Variants in CAMK2B observed in about 807,000 individuals in gnomAD.
CAMK2B encodes calcium/calmodulin dependent protein kinase II beta.
A neutral mutation model predicts 93.7 loss-of-function variants in CAMK2B; 27 were observed. That is an observed-to-expected ratio of 0.29 (90% CI 0.21 to 0.40). CAMK2B has a LOEUF of 0.40. Ranked by LOEUF, CAMK2B falls within the 10% of genes least tolerant of loss-of-function variation. The probability of loss-of-function intolerance (pLI) is 1.00; values close to 1 mark genes in which losing one functional copy is unlikely to be tolerated. For synonymous variants in CAMK2B, 374 were observed against 358.8 expected (o/e 1.04, Z -0.48); for missense variants, 568 against 895.8 (o/e 0.63, Z 4.67).
intron 1 of CAMK2B, among the ~76,000 whole-genome samples, chr7:44,310,931 G>C (rs1793368800): frequency 6.6e-6 from 1 of 152,162 alleles, no homozygotes; most frequent in African/African-American, 2.4e-5. Flanking sequence ...AAACGGTTAA[G>C]ACAGCAAATT....
intron 2 of CAMK2B, among the ~76,000 whole-genome samples, chr7:44,277,764 A>AG (rs947931416): frequency 6.6e-6 from 1 of 150,582 alleles, no homozygotes; most frequent in Non-Finnish European, 1.5e-5. Flanking sequence ...CCTGAATAGC[A>AG]GGGGGGAAGG....
intron 1 of CAMK2B, among the ~76,000 whole-genome samples, chr7:44,289,748 G>A (rs991165320): frequency 1.1e-4 from 17 of 152,272 alleles, no homozygotes; most frequent in African/African-American, 3.9e-4. Context: ...CAGGGACCCA[G>A]GCGCCTGGAG....
chr7:44,266,346 A>T (rs2096921175), intron 2 of CAMK2B, among the ~76,000 whole-genome samples: 1 of 152,196 alleles, frequency 6.6e-6, no homozygotes, highest in Non-Finnish European at 1.5e-5. Context: ...CTTTCCACAA[A>T]ACCAGGGACA....
chr7:44,220,153 G>T lies in CAMK2B; in HGVS notation c.1910C>A (p.Ser637Tyr). 6.2e-7 allele frequency: 1 copy of T among 1,611,904 alleles called. No homozygotes were observed. Among genetic ancestry groups the T allele is most frequent in the Non-Finnish European group, 8.5e-7 (1 of 1,179,736 alleles). ...GCGGTGCCACACGCGGGTCTCCTCA[G>T]ACTGGCTGGTGCGGGGCCGGCCCTG... is the stretch of plus-strand genomic sequence containing the variant. ...DGQGRPRTSQSEETRVWHRRD... is the reference protein window; with the variant it reads ...DGQGRPRTSQYEETRVWHRRD... Residue 637 changes from serine to tyrosine, a missense_variant, in exon 23 of 24, where the codon TCT becomes TAT. Coordinates refer to ENST00000395749, the MANE Select transcript of CAMK2B (RefSeq NM_001220.5).
At chr7:44,302,608 A>C (rs916416234) in intron 1 of CAMK2B, among the ~76,000 whole-genome samples, 1 of 152,206 alleles carries the variant, frequency 6.6e-6, no homozygotes, top group Non-Finnish European at 1.5e-5. Flanking sequence ...ATATTCAAAA[A>C]TTAATTATTA....
chr7:44,257,735 G>A (rs2096846348), intron 4 of CAMK2B, among the ~76,000 whole-genome samples: 1 of 152,274 alleles, frequency 6.6e-6, no homozygotes, highest in South Asian at 2.1e-4. Flanking sequence ...GGGAACCTGA[G>A]AGGTGGCCAA....
rs552559071 is a variant in CAMK2B, at chr7:44,236,138, C to T, written c.1022-1462G>A. On this transcript the variant is annotated intron_variant, in intron 13 of 23. Coordinates refer to ENST00000395749, the MANE Select transcript of CAMK2B (RefSeq NM_001220.5). ...TCTGACGCTGGGTGCTCCAGGTTGC[C>T]GTGGAGATCAGGAGGCTGCACCCCG... Among the ~76,000 whole-genome samples the T allele has an allele frequency of 1.6e-4, 24 of 152,338 alleles. No individual in the cohort carries two copies. The South Asian group carries it at 5.0e-3, about 32-fold the overall frequency.
At position 44,226,539 on chromosome 7, in the gene CAMK2B, A is replaced by G. The variant is rs748909417; in HGVS notation, c.1574T>C (p.Ile525Thr). The change falls in exon 20 of 24, where the codon ATC (isoleucine) becomes ACC (threonine). Residue 525 changes from isoleucine to threonine, a missense_variant. Around this residue, in one of 4 missense-constraint regions of CAMK2B, gnomAD observed 308 missense variants for 292.1 expected, o/e 1.05. Transcript: ENST00000395749. Reference sequence around the variant, plus strand: ...ACATGGGGTGGGCAGGGGGCCAGGGATAGTCGGAGATGGGCAGGGCGGGGG... The same window carrying G: ...ACATGGGGTGGGCAGGGGGCCAGGGGTAGTCGGAGATGGGCAGGGCGGGGG... ...VGPPPCPSPTIPGPLPTPSRK... is the reference protein window; with the variant it reads ...VGPPPCPSPTTPGPLPTPSRK... 4 of 1,467,494 alleles carry G rather than the reference A, an allele frequency of 2.7e-6. No individual in the cohort carries two copies. The highest frequency in any genetic ancestry group is 3.6e-6 in the Non-Finnish European group (4 of 1,112,804). The allele number at this position is 1,467,494 out of a possible 1,614,324, so 90.9% of individuals were successfully genotyped here.
intron 1 of CAMK2B, among the ~76,000 whole-genome samples, chr7:44,307,538 T>C (rs888464370): frequency 6.6e-6 from 1 of 151,928 alleles, no homozygotes; most frequent in Non-Finnish European, 1.5e-5. Context: ...CTGGGAATGG[T>C]CTGCCAGGGC....
At chr7:44,241,846 G>A (rs2096682185) in intron 10 of CAMK2B, 63 bp from the exon 11 acceptor site, 2 of 1,393,260 alleles carry the variant, frequency 1.4e-6, no homozygotes, top group East Asian at 2.3e-5. Context: ...GGCCAGGGTG[G>A]CAAGGCTTGT....
At chr7:44,281,845 C>T (rs892188360) in intron 2 of CAMK2B, among the ~76,000 whole-genome samples, 6 of 152,176 alleles carry the variant, frequency 3.9e-5, no homozygotes, top group African/African-American at 1.2e-4. Context: ...TTCAGCTCTG[C>T]CCACTGCTCT....
chr7:44,315,982 G>A (rs1394049466), intron 1 of CAMK2B, among the ~76,000 whole-genome samples: 5 of 152,014 alleles, frequency 3.3e-5, no homozygotes, highest in African/African-American at 1.2e-4. Context: ...TTCTATATAC[G>A]AAAGCATGTA....
rs2096574087 is a variant in CAMK2B at position 44,231,010 on chromosome 7, A to G, written c.1221T>C (p.Ala407=). The G allele has an allele frequency of 1.9e-6, 3 of 1,553,956 alleles. No individual in the cohort carries two copies. Among genetic ancestry groups the G allele is most frequent in the East Asian group, 2.4e-5 (1 of 41,110 alleles). ...SANTTIEDED[A]KAPRVPDILS... Reference sequence around the variant, plus strand: ...CAAGGACTCAAGTGCAGGTACCTTTAGCGTCTTCATCCTCTATGGTGGTAT... The same window carrying G: ...CAAGGACTCAAGTGCAGGTACCTTTGGCGTCTTCATCCTCTATGGTGGTAT... The change falls in exon 17 of 24, where the codon GCT becomes GCC. Residue 407 remains alanine, a synonymous_variant. Transcript: ENST00000395749.
chr7:44,324,051 G>T (rs538778990), intron 1 of CAMK2B: 104 of 153,530 alleles, frequency 6.8e-4, no homozygotes, highest in Admixed American at 2.4e-3. Flanking sequence ...CTTCTTGCAG[G>T]GCTGGGCTCC....
intron 5 of CAMK2B, among the ~76,000 whole-genome samples, chr7:44,253,215 G>T (rs867856115): frequency 1.5e-4 from 22 of 146,222 alleles, no homozygotes; most frequent in African/African-American, 4.5e-4. Flanking sequence ...TTTTTTTTTG[G>T]TTTTTTTTTT....
At chr7:44,222,174 AC>A (rs1160403858) in intron 20 of CAMK2B, among the ~76,000 whole-genome samples, 1 of 152,020 alleles carries the variant, frequency 6.6e-6, no homozygotes, top group Non-Finnish European at 1.5e-5. Flanking sequence ...AAAAACTCAA[AC>A]CCCCAGAAGT....
intron 16 of CAMK2B, among the ~76,000 whole-genome samples, chr7:44,232,496 T>G (rs1287346840): frequency 6.6e-6 from 1 of 152,008 alleles, no homozygotes; most frequent in African/African-American, 2.4e-5. Context: ...AGGATGCAGC[T>G]CCTGAGATGC....
At chr7:44,260,685 C>T (rs1253001738) in intron 3 of CAMK2B, among the ~76,000 whole-genome samples, 1 of 152,210 alleles carries the variant, frequency 6.6e-6, no homozygotes, top group Non-Finnish European at 1.5e-5. Context: ...ATCACTGTCA[C>T]CATCATCACC....
At chr7:44,272,205 TGG>T (rs1344521409) in intron 2 of CAMK2B, among the ~76,000 whole-genome samples, 2 of 152,064 alleles carry the variant, frequency 1.3e-5, no homozygotes. Context: ...AGCGAGGACT[TGG>T]GGAGCCCAGT....
Sources: allele counts gnomAD v4.1 joint callset (sites outside exome capture counted in the v4.1 genomes callset), GRCh38; gene constraint gnomAD v4.1.1; regional missense constraint gnomAD v4.1.1; transcripts MANE v1.5; gene names NCBI Gene and HGNC (gene_info 2026-07-23, HGNC 2026-07-21).